Variants in PTPN9 observed in about 807,000 individuals in gnomAD.
PTPN9 encodes tyrosine-protein phosphatase non-receptor type 9.
PTPN9 carries 26 observed loss-of-function variants against 69.8 expected under a neutral mutation model. The observed-to-expected ratio is 0.37, with a 90% CI of 0.27 to 0.52. The LOEUF (loss-of-function observed/expected upper bound fraction) is 0.52. Among genes scored for constraint, PTPN9 ranks in the 20% least tolerant of loss-of-function variants. The pLI, the probability that PTPN9 is intolerant of heterozygous loss-of-function variation, is 0.91. For synonymous variants in PTPN9, 274 were observed against 272.5 expected, an observed-to-expected ratio of 1.01 and a Z score of -0.05; for missense variants, 549 against 740.3, an observed-to-expected ratio of 0.74 and a Z score of 3.00.
At chr15:75,519,926 C>T (rs1474958910) in intron 4 of PTPN9, among the ~76,000 whole-genome samples, 4 of 151,912 alleles carry the variant, frequency 2.6e-5, no homozygotes, top group Non-Finnish European at 5.9e-5. Flanking sequence ...GCCAGAAGTT[C>T]GAGACCAGCC....
chr15:75,468,645 G>A lies in PTPN9; in HGVS notation c.*124C>T, dbSNP rs986715248. On this transcript the variant is annotated 3_prime_UTR_variant, in exon 13 of 13. Transcript: ENST00000618819. ...AAGGCTGCCTTGCGTGCACACGTGT[G>A]CTGGGAGACACAAGAAAGAAGTTGA... 39 of 846,372 alleles carry A rather than the reference G, an allele frequency of 4.6e-5. No individual in the cohort carries two copies. The African/African-American group carries it at 4.9e-4, about 11-fold the overall frequency. 52.4% of individuals were successfully genotyped at this position (846,372 alleles called of 1,614,324 possible).
intron 9 of PTPN9, among the ~76,000 whole-genome samples, chr15:75,475,388 G>C (rs1332356409): frequency 6.6e-6 from 1 of 152,094 alleles, no homozygotes; most frequent in East Asian, 1.9e-4. Context: ...AGACCAGCCT[G>C]GCCAACATGG....
intron 2 of PTPN9, among the ~76,000 whole-genome samples, chr15:75,524,542 C>T (rs1035554278): frequency 6.6e-6 from 1 of 152,114 alleles, no homozygotes; most frequent in Non-Finnish European, 1.5e-5. Flanking sequence ...CTTTGAGAGG[C>T]CAAGGCGGGC....
At chr15:75,548,490 G>A (rs1380601622) in intron 1 of PTPN9, among the ~76,000 whole-genome samples, 2 of 151,734 alleles carry the variant, frequency 1.3e-5, no homozygotes, top group East Asian at 1.9e-4. Flanking sequence ...TCCTGATTTC[G>A]TGATCTGCTC....
intron 2 of PTPN9, among the ~76,000 whole-genome samples, chr15:75,526,584 A>G (rs2074928883): frequency 1.3e-5 from 2 of 152,156 alleles, no homozygotes; most frequent in East Asian, 1.9e-4. Flanking sequence ...GCCCCCTCAA[A>G]AAACAAAAAT....
chr15:75,474,216 C>T (rs1253791820), intron 9 of PTPN9, among the ~76,000 whole-genome samples: 2 of 152,184 alleles, frequency 1.3e-5, no homozygotes, highest in East Asian at 3.9e-4. Context: ...TAAGTCTCCT[C>T]CTTCAAAATT....
At chr15:75,469,041 C>T in intron 12 of PTPN9, 58 bp from the exon 13 acceptor site, 1 of 1,434,790 alleles carries the variant, frequency 7.0e-7, no homozygotes, top group Non-Finnish European at 9.6e-7. Context: ...CCTCCCTCTA[C>T]CAAATAACCC....
chr15:75,528,158 A>C (rs531227361), intron 1 of PTPN9, among the ~76,000 whole-genome samples: 1 of 152,330 alleles, frequency 6.6e-6, no homozygotes, highest in South Asian at 2.1e-4. Context: ...CCCAGAGTCA[A>C]TAACAGCCCC....
At chr15:75,500,633 A>G (rs1456281129) in intron 7 of PTPN9, among the ~76,000 whole-genome samples, 2 of 151,970 alleles carry the variant, frequency 1.3e-5, no homozygotes, top group Non-Finnish European at 2.9e-5. Context: ...GGTAGCACCC[A>G]TAATTCCAGC....
At chr15:75,559,833 AT>A (rs1331902458) in intron 1 of PTPN9, among the ~76,000 whole-genome samples, 1 of 151,364 alleles carries the variant, frequency 6.6e-6, no homozygotes, top group Admixed American at 6.6e-5. Flanking sequence ...AAAAATGAAT[AT>A]TTTTTTCTTT....
At chr15:75,500,705 A>T (rs2074768175) in intron 7 of PTPN9, among the ~76,000 whole-genome samples, 1 of 151,722 alleles carries the variant, frequency 6.6e-6, no homozygotes, top group African/African-American at 2.4e-5. Context: ...AGCCTGGGCA[A>T]CATAGGGAGA....
chr15:75,576,087 G>A (rs1346149567), intron 1 of PTPN9, among the ~76,000 whole-genome samples: 2 of 151,038 alleles, frequency 1.3e-5, no homozygotes, highest in Non-Finnish European at 2.9e-5. Flanking sequence ...AAACTTAGCT[G>A]GGCATGGTGG....
At chr15:75,524,117 TA>T (rs34132149) in intron 3 of PTPN9, 91 bp downstream of exon 3, 94,546 of 330,040 alleles carry the variant, frequency 0.29, 6,669 homozygotes, top group African/African-American at 0.48. Context: ...ATAATAAAAT[TA>T]AAAAAAAAAA....
intron 1 of PTPN9, among the ~76,000 whole-genome samples, chr15:75,533,188 T>C (rs1459767653): frequency 1.3e-5 from 2 of 152,212 alleles, no homozygotes; most frequent in Non-Finnish European, 2.9e-5. Flanking sequence ...GGATAAGGTC[T>C]GAATTGATAT....
intron 1 of PTPN9, among the ~76,000 whole-genome samples, chr15:75,552,515 A>T (rs1278390367): frequency 6.6e-6 from 1 of 152,086 alleles, no homozygotes; most frequent in African/African-American, 2.4e-5. Context: ...GTATTCAATA[A>T]ATTACATGAG....
chr15:75,575,658 G>A (rs1428794051), intron 1 of PTPN9, among the ~76,000 whole-genome samples: 1 of 152,110 alleles, frequency 6.6e-6, no homozygotes, highest in South Asian at 2.1e-4. Context: ...GGTGGTTCAC[G>A]CCTGTAATCC....
chr15:75,504,141 C>CT (rs2074797368), intron 7 of PTPN9, among the ~76,000 whole-genome samples: 1 of 124,926 alleles, frequency 8.0e-6, no homozygotes, highest in Non-Finnish European at 1.7e-5. Flanking sequence ...AGGTCAGCCC[C>CT]CCGCCCGGAC....
At chr15:75,504,624 C>G (rs1438657285) in intron 7 of PTPN9, among the ~76,000 whole-genome samples, 1 of 134,828 alleles carries the variant, frequency 7.4e-6, no homozygotes, top group African/African-American at 2.8e-5. Context: ...CCAGCCGCCC[C>G]GTCTGGGAGG....
At chr15:75,521,418 C>T (rs2074904666) in intron 4 of PTPN9, among the ~76,000 whole-genome samples, 1 of 151,680 alleles carries the variant, frequency 6.6e-6, no homozygotes. Flanking sequence ...CGCCACTGCA[C>T]TCCAGCCTGG....
Sources: gnomAD v4.1 joint callset for allele counts (sites outside exome capture counted in the v4.1 genomes callset) on GRCh38, gnomAD v4.1.1 for gene constraint, MANE v1.5 for transcripts, NCBI Gene and HGNC (gene_info 2026-07-23, HGNC 2026-07-21) for gene names.